XRN2: variants seen among roughly 807,000 people sequenced by gnomAD.
The protein encoded by XRN2 is 5'-3' exoribonuclease 2, also known as DHM1-like protein.
XRN2 carries 44 observed loss-of-function variants against 138.5 expected under a neutral mutation model. The ratio of observed to expected loss-of-function variants is 0.32; its 90% CI spans 0.25 to 0.41. XRN2 has a LOEUF of 0.41. Among genes scored for constraint, XRN2 ranks in the 10% least tolerant of loss-of-function variants. The pLI is 1.00. For synonymous variants in XRN2, 354 were observed against 369.4 expected, an observed-to-expected ratio of 0.96 and a Z score of 0.48; for missense variants, 937 against 1,169.3, an observed-to-expected ratio of 0.80 and a Z score of 2.90.
chr20:21,323,033 G>T (rs942827969), intron 1 of XRN2, among the ~76,000 whole-genome samples: 2 of 152,196 alleles, frequency 1.3e-5, no homozygotes, highest in African/African-American at 2.4e-5. Context: ...TGGGTGAAGG[G>T]AGAGGAGAGG....
chr20:21,346,288 A>C, intron 16 of XRN2, 127 bp from the exon 17 acceptor site: 2 of 1,224,736 alleles, frequency 1.6e-6, no homozygotes, highest in East Asian at 2.3e-5. Context: ...CTGTGTTAGC[A>C]TGACTGTTTA....
intron 24 of XRN2, 89 bp downstream of exon 24, chr20:21,357,881 T>G: frequency 8.8e-7 from 1 of 1,131,072 alleles, no homozygotes; most frequent in South Asian, 1.6e-5. Context: ...CACAAGGAAA[T>G]GGCAGCTGTT....
chr20:21,321,610 G>C (rs996154136), intron 1 of XRN2, among the ~76,000 whole-genome samples: 1 of 152,012 alleles, frequency 6.6e-6, no homozygotes, highest in Non-Finnish European at 1.5e-5. Context: ...GAGCCACTGG[G>C]CCTCATTCTA....
At chr20:21,342,141 A>G (rs186603734) in intron 15 of XRN2, among the ~76,000 whole-genome samples, 21 of 152,358 alleles carry the variant, frequency 1.4e-4, no homozygotes, top group African/African-American at 4.6e-4. Context: ...AAATTTAAGG[A>G]AATTTTGAAG....
intron 24 of XRN2, 46 bp downstream of exon 24, chr20:21,357,838 A>C (rs2038594528): frequency 6.6e-7 from 1 of 1,514,072 alleles, no homozygotes. Flanking sequence ...CACAGCTCTG[A>C]ACTTGCAAAT....
chr20:21,338,311 G>T (rs2038324535), intron 13 of XRN2, among the ~76,000 whole-genome samples: 1 of 152,116 alleles, frequency 6.6e-6, no homozygotes, highest in Non-Finnish European at 1.5e-5. Context: ...GAGTTAGTAG[G>T]GAACAAGATG....
intron 4 of XRN2, among the ~76,000 whole-genome samples, chr20:21,328,952 C>A (rs151010621): frequency 2.0e-5 from 3 of 152,238 alleles, no homozygotes; most frequent in African/African-American, 7.2e-5. Flanking sequence ...AGCTCTTTAA[C>A]AAACTTTTAT....
intron 29 of XRN2, among the ~76,000 whole-genome samples, chr20:21,387,834 AT>A (rs2038951191): frequency 1.3e-5 from 2 of 152,336 alleles, no homozygotes; most frequent in South Asian, 4.1e-4. Context: ...TCACATATTA[AT>A]TAGTAAGACC....
rs1227064837 is a variant in XRN2 at position 21,307,958 on chromosome 20, A to G, written c.75+4485A>G. 5.4e-5 allele frequency among the ~76,000 whole-genome samples: 4 copies of G among 74,156 alleles called. 2 individuals are homozygous for G. In the Admixed American group the frequency reaches 6.5e-4, roughly 12 times the overall value. The allele number at this position is 74,156 out of a possible 152,430, so 48.6% of individuals were successfully genotyped here. A position where few individuals can be genotyped will look rare whatever the true frequency, so the allele number is the denominator to read the frequency against. On this transcript the variant is annotated intron_variant, in intron 1 of 29. Coordinates refer to ENST00000377191, the MANE Select transcript of XRN2 (RefSeq NM_012255.5). ...TTTTTTGTTTTTATTTTTTTTTGAG[A>G]TGGAGTCTCGCTCTGTCGCCCAGGC...
At chr20:21,345,598 A>T (rs1296249748) in intron 16 of XRN2, among the ~76,000 whole-genome samples, 1 of 152,178 alleles carries the variant, frequency 6.6e-6, no homozygotes, top group Non-Finnish European at 1.5e-5. Flanking sequence ...ATGTTCCTTA[A>T]ATGTTAAATC....
chr20:21,326,661 C>A (rs765235941), intron 3 of XRN2, 60 bp downstream of exon 3: 2 of 1,349,870 alleles, frequency 1.5e-6, no homozygotes, highest in African/African-American at 1.5e-5. Context: ...TTACCAGTGT[C>A]TAGAATGAAA....
rs867173118 is a variant in XRN2, at chr20:21,303,506, G to T, written c.75+33G>T. 96 of 1,533,964 alleles carry T rather than the reference G, an allele frequency of 6.3e-5. 3 individuals carry two copies. In the Middle Eastern group the frequency reaches 2.0e-3, roughly 32 times the overall value. ...GGCGCCAGGCGGCCGCCACACTCGA[G>T]CCCGGGCCCCCGGCACGTCTAGGCC... On this transcript the variant is annotated intron_variant, in intron 1 of 29. Transcript: ENST00000377191.
intron 2 of XRN2, 31 bp downstream of exon 2, chr20:21,326,437 C>G (rs1352383710): frequency 6.2e-7 from 1 of 1,613,556 alleles, no homozygotes. Flanking sequence ...ACTGATATAG[C>G]AAATCACAGA....
At chr20:21,353,270 T>G (rs2038535375) in intron 20 of XRN2, among the ~76,000 whole-genome samples, 1 of 130,530 alleles carries the variant, frequency 7.7e-6, no homozygotes, top group Non-Finnish European at 1.6e-5. Context: ...ATATATCTCT[T>G]AAATGTAGTG....
chr20:21,325,706 G>T (rs28384476), intron 1 of XRN2, among the ~76,000 whole-genome samples: 1 of 152,216 alleles, frequency 6.6e-6, no homozygotes, highest in East Asian at 1.9e-4. Context: ...AAGGCTCCAG[G>T]CTCATTGATA....
At chr20:21,313,110 G>T (rs542162733) in intron 1 of XRN2, among the ~76,000 whole-genome samples, 2 of 152,242 alleles carry the variant, frequency 1.3e-5, no homozygotes, top group African/African-American at 4.8e-5. Context: ...CGGAGACTCT[G>T]CTTTTTGTTA....
At chr20:21,342,867 T>G (rs2038389489) in intron 15 of XRN2, among the ~76,000 whole-genome samples, 1 of 152,212 alleles carries the variant, frequency 6.6e-6, no homozygotes, top group Non-Finnish European at 1.5e-5. Context: ...TCTGTATGAC[T>G]AAAATACAAC....
intron 1 of XRN2, among the ~76,000 whole-genome samples, chr20:21,320,208 T>C (rs936398031): frequency 1.3e-5 from 2 of 152,118 alleles, no homozygotes; most frequent in Non-Finnish European, 2.9e-5. Context: ...TTTGTTGTTG[T>C]TTGTTTGTTT....
chr20:21,342,201 G>C (rs1476934284), intron 15 of XRN2, among the ~76,000 whole-genome samples: 1 of 152,030 alleles, frequency 6.6e-6, no homozygotes, highest in Non-Finnish European at 1.5e-5. Context: ...CAGATTTCTC[G>C]TGTTTTATTT....
Sources: gnomAD v4.1 joint callset for allele counts (sites outside exome capture counted in the v4.1 genomes callset) on GRCh38, gnomAD v4.1.1 for gene constraint, MANE v1.5 for transcripts, NCBI Gene and HGNC (gene_info 2026-07-23, HGNC 2026-07-21) for gene names.